Variants in CSMD1 observed in about 807,000 individuals in gnomAD.
CSMD1 encodes the protein CUB and Sushi multiple domains 1, also known as CUB and sushi domain-containing protein 1.
Under a neutral mutation model 417.5 loss-of-function variants are expected in CSMD1, and 213 were observed. The observed-to-expected ratio is 0.51, with a 90% CI of 0.46 to 0.57. The LOEUF (loss-of-function observed/expected upper bound fraction) is 0.57. Among genes scored for constraint, CSMD1 ranks in the 20% least tolerant of loss-of-function variants. CSMD1 has a pLI of 0.00. For missense variants in CSMD1, 6,923 were observed against 4,529.7 expected (o/e 1.53, Z -15.17); for synonymous variants, 2,862 against 1,736.8 (o/e 1.65, Z -16.11).
At chr8:4,907,684 G>A (rs1176637027) in intron 1 of CSMD1, among the ~76,000 whole-genome samples, 1 of 151,688 alleles carries the variant, frequency 6.6e-6, no homozygotes, top group South Asian at 2.1e-4. Context: ...TCAACTACTA[G>A]AGTAGCTGGG....
At chr8:3,055,893 C>T (rs1812185184) in intron 49 of CSMD1, among the ~76,000 whole-genome samples, 1 of 152,154 alleles carries the variant, frequency 6.6e-6, no homozygotes, top group Non-Finnish European at 1.5e-5. Flanking sequence ...TCTTCTTACG[C>T]TCAGGTTATT....
intron 1 of CSMD1, among the ~76,000 whole-genome samples, chr8:4,826,192 C>G (rs2117412598): frequency 6.6e-6 from 1 of 152,082 alleles, no homozygotes; most frequent in East Asian, 1.9e-4. Flanking sequence ...CCCCAGTGTT[C>G]ATTGTTGCCT....
At chr8:4,352,792 A>G (rs1037615350) in intron 3 of CSMD1, among the ~76,000 whole-genome samples, 2 of 152,254 alleles carry the variant, frequency 1.3e-5, no homozygotes, top group Non-Finnish European at 2.9e-5. Flanking sequence ...GAATGTGGAC[A>G]TGGCTGTTGC....
chr8:3,383,612 G>A (rs894702542), intron 18 of CSMD1, among the ~76,000 whole-genome samples: 1 of 152,100 alleles, frequency 6.6e-6, no homozygotes, highest in Non-Finnish European at 1.5e-5. Flanking sequence ...TCATCGAAAT[G>A]ATGCCAATAA....
At chr8:3,479,694 A>C (rs1419484886) in intron 11 of CSMD1, among the ~76,000 whole-genome samples, 1 of 152,064 alleles carries the variant, frequency 6.6e-6, no homozygotes, top group Non-Finnish European at 1.5e-5. Flanking sequence ...CTAACATGAC[A>C]CACAAAAGAG....
At chr8:4,595,808 C>G (rs778592979) in intron 2 of CSMD1, among the ~76,000 whole-genome samples, 13 of 152,220 alleles carry the variant, frequency 8.5e-5, no homozygotes, top group Non-Finnish European at 1.9e-4. Flanking sequence ...ACCTTTTTCT[C>G]TCTTTCAGAG....
At chr8:3,224,233 A>C (rs1046959964) in intron 27 of CSMD1, among the ~76,000 whole-genome samples, 14 of 152,206 alleles carry the variant, frequency 9.2e-5, no homozygotes, top group African/African-American at 3.4e-4. Context: ...AAAACACTTG[A>C]ATAAAAAAAA....
At chr8:4,732,779 C>T (rs1011656880) in intron 1 of CSMD1, among the ~76,000 whole-genome samples, 1 of 152,166 alleles carries the variant, frequency 6.6e-6, no homozygotes, top group Non-Finnish European at 1.5e-5. Context: ...TCTAATTGTG[C>T]CCAAATCCTC....
intron 1 of CSMD1, among the ~76,000 whole-genome samples, chr8:4,785,642 C>A (rs1355521258): frequency 2.0e-5 from 3 of 151,974 alleles, no homozygotes; most frequent in Non-Finnish European, 4.4e-5. Flanking sequence ...ACTCAGAGTC[C>A]CAGACTTTGC....
chr8:3,291,274 G>A (rs980463078), intron 25 of CSMD1, among the ~76,000 whole-genome samples: 1 of 152,116 alleles, frequency 6.6e-6, no homozygotes, highest in African/African-American at 2.4e-5. Context: ...AGGGATATTG[G>A]TCTAAAATTC....
At chr8:4,220,787 T>G (rs766140853) in intron 3 of CSMD1, among the ~76,000 whole-genome samples, 1 of 152,188 alleles carries the variant, frequency 6.6e-6, no homozygotes, top group Non-Finnish European at 1.5e-5. Flanking sequence ...AAGAAATCCT[T>G]ATAACGCACC....
chr8:3,996,254 T>C (rs1321951305), intron 5 of CSMD1, among the ~76,000 whole-genome samples: 2 of 152,158 alleles, frequency 1.3e-5, no homozygotes, highest in Non-Finnish European at 2.9e-5. Context: ...CTCTGGACTG[T>C]CCTAAAAATA....
chr8:4,665,949 G>A (rs745649520), intron 1 of CSMD1, among the ~76,000 whole-genome samples: 6 of 152,136 alleles, frequency 3.9e-5, no homozygotes, highest in African/African-American at 9.7e-5. Flanking sequence ...CAACATGACC[G>A]TGCCACTCTG....
At chr8:4,632,029 G>A (rs1049483340) in intron 2 of CSMD1, among the ~76,000 whole-genome samples, 2 of 152,082 alleles carry the variant, frequency 1.3e-5, no homozygotes, top group Non-Finnish European at 1.5e-5. Context: ...AGATGTCAAC[G>A]TCAATTGTTT....
At chr8:3,101,949 C>A (rs981333064) in intron 46 of CSMD1, among the ~76,000 whole-genome samples, 1 of 151,882 alleles carries the variant, frequency 6.6e-6, no homozygotes, top group Non-Finnish European at 1.5e-5. Context: ...TTACAGATGT[C>A]TGCCACCACA....
At chr8:4,521,504 A>G (rs148143095) in intron 2 of CSMD1, among the ~76,000 whole-genome samples, 29 of 152,198 alleles carry the variant, frequency 1.9e-4, no homozygotes, top group Non-Finnish European at 3.1e-4. Flanking sequence ...TACTTCGAAG[A>G]TTTAATGAAT....
intron 3 of CSMD1, among the ~76,000 whole-genome samples, chr8:4,127,971 T>C (rs547368646): frequency 4.6e-5 from 7 of 152,294 alleles, no homozygotes; most frequent in South Asian, 2.1e-4. Flanking sequence ...GTGATATTGG[T>C]AAATGCCACT....
chr8:4,045,427 G>T (rs1424569005), intron 3 of CSMD1, among the ~76,000 whole-genome samples: 1 of 152,316 alleles, frequency 6.6e-6, no homozygotes, highest in South Asian at 2.1e-4. Context: ...GGCCACAGCA[G>T]TAGAAATGAC....
intron 26 of CSMD1, among the ~76,000 whole-genome samples, chr8:3,253,440 T>C (rs1416371250): frequency 1.3e-5 from 2 of 152,194 alleles, no homozygotes; most frequent in Non-Finnish European, 2.9e-5. Flanking sequence ...AGGAGTGCTT[T>C]ACTTCCAACT....
Sources: gnomAD v4.1 joint callset for allele counts (sites outside exome capture counted in the v4.1 genomes callset) on GRCh38, gnomAD v4.1.1 for gene constraint, MANE v1.5 for transcripts, NCBI Gene and HGNC (gene_info 2026-07-23, HGNC 2026-07-21) for gene names.